GBE1: variants seen among roughly 807,000 people sequenced by gnomAD.
GBE1 encodes 1,4-alpha-glucan branching enzyme 1.
In GBE1, 70 loss-of-function variants were observed where a neutral mutation model predicts 88.8. The observed-to-expected ratio is 0.79, with a 90% CI of 0.65 to 0.96. The LOEUF is 0.96. Ranked by LOEUF, GBE1 falls within the 40% of genes least tolerant of loss-of-function variation. The probability of loss-of-function intolerance (pLI) is 0.00; values close to 1 mark genes in which losing one functional copy is unlikely to be tolerated. For synonymous variants in GBE1, 284 were observed against 300.1 expected, an observed-to-expected ratio of 0.95 and a Z score of 0.56; for missense variants, 872 against 871.0, an observed-to-expected ratio of 1.00 and a Z score of -0.01.
intron 7 of GBE1, among the ~76,000 whole-genome samples, chr3:81,616,976 G>A (rs1704256310): frequency 6.6e-6 from 1 of 152,012 alleles, no homozygotes; most frequent in Non-Finnish European, 1.5e-5. Flanking sequence ...GGAAGGGAAA[G>A]AGAGAAGGAG....
intron 1 of GBE1, among the ~76,000 whole-genome samples, chr3:81,748,124 A>T (rs1706443918): frequency 6.6e-6 from 1 of 152,088 alleles, no homozygotes; most frequent in African/African-American, 2.4e-5. Flanking sequence ...ATCTCAAAAA[A>T]CAAAAACCGG....
At chr3:81,515,525 T>C (rs1702786791) in intron 14 of GBE1, among the ~76,000 whole-genome samples, 1 of 151,448 alleles carries the variant, frequency 6.6e-6, no homozygotes, top group African/African-American at 2.4e-5. Flanking sequence ...TAAGACCATA[T>C]AGAATTTAGC....
intron 13 of GBE1, among the ~76,000 whole-genome samples, chr3:81,535,905 T>A (rs544071568): frequency 6.6e-6 from 1 of 152,020 alleles, no homozygotes; most frequent in African/African-American, 2.4e-5. Context: ...TCTCTTCTTT[T>A]CTTCATCATC....
intron 12 of GBE1, among the ~76,000 whole-genome samples, chr3:81,538,355 C>T (rs1377602035): frequency 6.6e-6 from 1 of 150,610 alleles, no homozygotes; most frequent in Non-Finnish European, 1.5e-5. Flanking sequence ...TTTTCAGGAC[C>T]ACATTCATCC....
chr3:81,708,408 G>C (rs1175875028), intron 1 of GBE1, among the ~76,000 whole-genome samples: 1 of 151,822 alleles, frequency 6.6e-6, no homozygotes. Flanking sequence ...AAATACAAGT[G>C]GCCAATAAAC....
chr3:81,597,474 T>TA (rs1294913896), intron 7 of GBE1, among the ~76,000 whole-genome samples: 8 of 133,874 alleles, frequency 6.0e-5, no homozygotes, highest in Middle Eastern at 3.8e-3. Context: ...TATATATATA[T>TA]ATCTCAAAAT....
At chr3:81,637,667 T>A (rs949649297) in intron 7 of GBE1, among the ~76,000 whole-genome samples, 1 of 152,136 alleles carries the variant, frequency 6.6e-6, no homozygotes, top group Admixed American at 6.6e-5. Context: ...CAAAAAGTAG[T>A]GTATGACTTA....
intron 7 of GBE1, among the ~76,000 whole-genome samples, chr3:81,613,750 A>G (rs2033986349): frequency 6.6e-6 from 1 of 152,192 alleles, no homozygotes; most frequent in South Asian, 2.1e-4. Flanking sequence ...CCTGCCACTC[A>G]GTGGGAGAAT....
chr3:81,515,654 T>C (rs910001594), intron 14 of GBE1, among the ~76,000 whole-genome samples: 10 of 151,710 alleles, frequency 6.6e-5, no homozygotes, highest in African/African-American at 1.4e-4. Context: ...ATGTTCAAAG[T>C]TGAGACAGGA....
chr3:81,535,633 G>A (rs980616395), intron 13 of GBE1, among the ~76,000 whole-genome samples: 2 of 151,858 alleles, frequency 1.3e-5, no homozygotes, highest in African/African-American at 4.8e-5. Context: ...CAAAGTGTTC[G>A]TTTGTATATA....
At chr3:81,589,024 T>C (rs1161262106) in intron 9 of GBE1, among the ~76,000 whole-genome samples, 1 of 151,198 alleles carries the variant, frequency 6.6e-6, no homozygotes, top group East Asian at 1.9e-4. Context: ...ACTGTTCTTT[T>C]AAAATTTTTA....
chr3:81,501,667 C>T (rs1702587364), intron 14 of GBE1, among the ~76,000 whole-genome samples: 1 of 142,198 alleles, frequency 7.0e-6, no homozygotes, highest in African/African-American at 2.6e-5. Context: ...GTAAGAATTC[C>T]CTCATTTACT....
intron 7 of GBE1, among the ~76,000 whole-genome samples, chr3:81,617,197 CTCTA>C (rs1426794574): frequency 6.6e-6 from 1 of 151,736 alleles, no homozygotes; most frequent in Non-Finnish European, 1.5e-5. Context: ...CCATTCTGAT[CTCTA>C]TGTCTTATTT....
intron 7 of GBE1, among the ~76,000 whole-genome samples, chr3:81,606,720 T>A (rs1045704857): frequency 6.6e-6 from 1 of 152,242 alleles, no homozygotes. Flanking sequence ...TTCACGCAAA[T>A]ATGATCTCTT....
At chr3:81,720,461 A>G (rs559956869) in intron 1 of GBE1, among the ~76,000 whole-genome samples, 4 of 152,048 alleles carry the variant, frequency 2.6e-5, no homozygotes, top group Admixed American at 2.6e-4. Flanking sequence ...GCACAGGTAC[A>G]GTTTGGCAAG....
At chr3:81,709,144 T>C (rs1319530803) in intron 1 of GBE1, among the ~76,000 whole-genome samples, 4 of 152,190 alleles carry the variant, frequency 2.6e-5, no homozygotes, top group Non-Finnish European at 5.9e-5. Context: ...ATCATGTAAT[T>C]ATTCAAGAAC....
At chr3:81,739,068 C>G (rs908244419) in intron 1 of GBE1, among the ~76,000 whole-genome samples, 6 of 152,114 alleles carry the variant, frequency 3.9e-5, no homozygotes, top group African/African-American at 1.4e-4. Context: ...CTTCGTGCCT[C>G]TCTTATAAAG....
intron 12 of GBE1, among the ~76,000 whole-genome samples, chr3:81,544,306 A>G (rs1194057837): frequency 6.6e-6 from 1 of 152,180 alleles, no homozygotes; most frequent in Non-Finnish European, 1.5e-5. Context: ...ACAGTTAAGA[A>G]CAATAGTTCT....
At chr3:81,665,474 T>C (rs1336654084) in intron 3 of GBE1, among the ~76,000 whole-genome samples, 3 of 149,672 alleles carry the variant, frequency 2.0e-5, no homozygotes, top group Non-Finnish European at 4.4e-5. Flanking sequence ...AGGCAGAGCT[T>C]GCAGTGAGCC....
Sources: allele counts gnomAD v4.1 joint callset (sites outside exome capture counted in the v4.1 genomes callset), GRCh38; gene constraint gnomAD v4.1.1; transcripts MANE v1.5; gene names NCBI Gene and HGNC (gene_info 2026-07-23, HGNC 2026-07-21).